PNPLA8: variants seen among roughly 807,000 people sequenced by gnomAD.
PNPLA8 encodes patatin like domain 8, phospholipase A2, also known as calcium-independent phospholipase A2-gamma.
Under a neutral mutation model 76.9 loss-of-function variants are expected in PNPLA8, and 39 were observed. The observed-to-expected ratio is 0.51, with a 90% CI of 0.39 to 0.66. The LOEUF is 0.66. PNPLA8 is among the 30% of genes least tolerant of loss of function. The pLI is 0.00. For missense variants in PNPLA8, 887 were observed against 918.0 expected, an observed-to-expected ratio of 0.97 and a Z score of 0.44; for synonymous variants, 301 against 307.9, an observed-to-expected ratio of 0.98 and a Z score of 0.24.
At position 108,481,427 on chromosome 7, in the gene PNPLA8, CATT is replaced by C. The variant is rs531755885; in HGVS notation, c.1879-2051_1879-2049del. ...TAACAGATATGTGGTGGCATTTCATCATTGTTTTAATTTGTGATTCTCCAATGC... is the reference window on the plus strand; with the variant it reads ...TAACAGATATGTGGTGGCATTTCATCGTTTTAATTTGTGATTCTCCAATGC... On this transcript the variant is annotated intron_variant, in intron 9 of 10. Coordinates refer to ENST00000257694, the MANE Select transcript of PNPLA8 (RefSeq NM_001256007.3). Among the ~76,000 whole-genome samples the C allele has an allele frequency of 1.7e-4, 26 of 152,256 alleles. No individual in the cohort carries two copies. In the South Asian group the frequency reaches 3.9e-3, roughly 23 times the overall value.
At chr7:108,490,125 T>C (rs1007891172) in intron 8 of PNPLA8, among the ~76,000 whole-genome samples, 3 of 152,218 alleles carry the variant, frequency 2.0e-5, no homozygotes, top group Non-Finnish European at 4.4e-5. Context: ...TATCTGTAGA[T>C]ACGTAAGTAT....
At chr7:108,473,862 G>A (rs1437625271) in intron 10 of PNPLA8, among the ~76,000 whole-genome samples, 1 of 151,994 alleles carries the variant, frequency 6.6e-6, no homozygotes, top group East Asian at 1.9e-4. Flanking sequence ...GTGCCACCAT[G>A]CCCAGATAGT....
At chr7:108,495,093 A>G (rs1303366948) in intron 7 of PNPLA8, among the ~76,000 whole-genome samples, 1 of 152,210 alleles carries the variant, frequency 6.6e-6, no homozygotes, top group African/African-American at 2.4e-5. Flanking sequence ...ATAGAAATAC[A>G]AATTGATGTT....
chr7:108,525,814 G>A (rs1382215214), intron 1 of PNPLA8, among the ~76,000 whole-genome samples: 2 of 152,220 alleles, frequency 1.3e-5, no homozygotes, highest in Non-Finnish European at 1.5e-5. Flanking sequence ...GGGCAGCAAA[G>A]CCCACGGGGG....
chr7:108,514,672 C>A lies in PNPLA8; in HGVS notation c.820G>T (p.Ala274Ser), dbSNP rs1863178458. The change falls in exon 3 of 11, where the codon GCG (alanine) becomes TCG (serine). Residue 274 changes from alanine (A) to serine (S), a missense_variant. Coordinates refer to ENST00000257694, the MANE Select transcript of PNPLA8 (RefSeq NM_001256007.3). ...HTVDKPTSPS[A>S]IPDVLQVSTK... ...GAAACTTGAAGAACATCAGGTATCG[C>A]AGAAGGACTTGTAGGCTTGTCCACC... 3 of 1,613,854 alleles carry A rather than the reference C, an allele frequency of 1.9e-6. No homozygotes were observed. The highest frequency in any genetic ancestry group is 1.7e-5 in the Admixed American group (1 of 60,004).
rs1863176300 is a variant in PNPLA8, at chr7:108,514,657, GAAC to G, written c.832_834del (p.Val278del). 1 of 1,613,802 alleles carries G rather than the reference GAAC, an allele frequency of 6.2e-7. No individual in the cohort carries two copies. Among genetic ancestry groups the G allele is most frequent in the South Asian group, 1.1e-5 (1 of 91,090 alleles). On this transcript the variant is annotated inframe_deletion, in exon 3 of 11. Transcript: ENST00000257694. ...ATACTTTGTTTAGTTGAAACTTGAA[GAAC>G]ATCAGGTATCGCAGAAGGACTTGTA...
chr7:108,515,893 C>T (rs1041436331), intron 2 of PNPLA8, among the ~76,000 whole-genome samples: 3 of 151,960 alleles, frequency 2.0e-5, no homozygotes, highest in Non-Finnish European at 4.4e-5. Flanking sequence ...GCTTTTTTTT[C>T]CCTTCCTCAT....
At chr7:108,492,748 C>T (rs907038853) in intron 7 of PNPLA8, among the ~76,000 whole-genome samples, 27 of 152,132 alleles carry the variant, frequency 1.8e-4, no homozygotes, top group African/African-American at 5.1e-4. Context: ...AAAAATGCTA[C>T]GACAAAAAAG....
chr7:108,500,359 A>G (rs948289139), intron 5 of PNPLA8, among the ~76,000 whole-genome samples: 1 of 152,208 alleles, frequency 6.6e-6, no homozygotes, highest in Non-Finnish European at 1.5e-5. Context: ...CATGAATGAC[A>G]TACACTTTCT....
At chr7:108,498,021 AAAG>A (rs977974094) in intron 5 of PNPLA8, among the ~76,000 whole-genome samples, 21 of 151,344 alleles carry the variant, frequency 1.4e-4, no homozygotes, top group East Asian at 9.7e-4. Flanking sequence ...AAAAAAGTAA[AAAG>A]AAGAAGAAAT....
At chr7:108,490,661 A>T (rs13224835) in intron 8 of PNPLA8, among the ~76,000 whole-genome samples, 2 of 151,578 alleles carry the variant, frequency 1.3e-5, no homozygotes, top group African/African-American at 4.8e-5. Context: ...GCGGCTGCCT[A>T]TAGTCCCAGC....
chr7:108,502,736 A>G, intron 4 of PNPLA8, 94 bp from the exon 5 acceptor site: 1 of 784,922 alleles, frequency 1.3e-6, no homozygotes, highest in Non-Finnish European at 2.0e-6. Context: ...TCACCACATG[A>G]CAACCAAGGT....
chr7:108,507,065 G>C (rs1304611574), intron 4 of PNPLA8, among the ~76,000 whole-genome samples: 1 of 152,086 alleles, frequency 6.6e-6, no homozygotes, highest in Non-Finnish European at 1.5e-5. Context: ...CGGTGAGGCT[G>C]GGAGCGGTGG....
Position 108,472,150 on chromosome 7 carries a change from T to A in PNPLA8, c.*251A>T. 1 of 307,226 alleles carries A rather than the reference T, an allele frequency of 3.3e-6. No homozygotes were observed. The highest frequency in any genetic ancestry group is 6.0e-6 in the Non-Finnish European group (1 of 166,396). The allele number at this position is 307,226 out of a possible 1,614,324, so 19.0% of individuals were successfully genotyped here. On this transcript the variant is annotated 3_prime_UTR_variant, in exon 11 of 11. Coordinates refer to ENST00000257694, the MANE Select transcript of PNPLA8 (RefSeq NM_001256007.3). ...AATATAACACCAATATCTACTAAAA[T>A]CTACTAGCACAGTAAGGGTTACTAA... is the stretch of plus-strand genomic sequence containing the variant.
At chr7:108,505,616 C>T (rs1862364536) in intron 4 of PNPLA8, among the ~76,000 whole-genome samples, 1 of 151,562 alleles carries the variant, frequency 6.6e-6, no homozygotes, top group African/African-American at 2.4e-5. Flanking sequence ...CCACCTCAGC[C>T]TCCCGAAGTG....
chr7:108,513,920 T>C (rs1225807569), intron 4 of PNPLA8, among the ~76,000 whole-genome samples: 1 of 152,208 alleles, frequency 6.6e-6, no homozygotes, highest in Non-Finnish European at 1.5e-5. Context: ...ATTTTATAAA[T>C]GTTTAATTTC....
chr7:108,491,579 G>C lies in PNPLA8; in HGVS notation c.1626-112C>G, dbSNP rs1861172001. 4 of 718,218 alleles carry C rather than the reference G, an allele frequency of 5.6e-6. No homozygotes were observed. The East Asian group carries it at 1.0e-4, about 18-fold the overall frequency. 44.5% of individuals were successfully genotyped at this position (718,218 alleles called of 1,614,324 possible). On this transcript the variant is annotated intron_variant, in intron 7 of 10. Coordinates refer to ENST00000257694, the MANE Select transcript of PNPLA8 (RefSeq NM_001256007.3). ...GTCCATGGCTTTGTCAAAGTGCTAT[G>C]AAGGAAAACATGTAAGACTCTCCTC...
chr7:108,511,067 GGT>G, intron 4 of PNPLA8: 1 of 690,662 alleles, frequency 1.4e-6, no homozygotes, highest in Non-Finnish European at 2.3e-6. Flanking sequence ...AAAGAAAACT[GGT>G]AACTAAATAC....
chr7:108,499,164 T>C (rs893235535), intron 5 of PNPLA8, among the ~76,000 whole-genome samples: 1 of 152,084 alleles, frequency 6.6e-6, no homozygotes, highest in Non-Finnish European at 1.5e-5. Flanking sequence ...GGAAATAAAA[T>C]AGGCACGTAT....
Sources: allele counts gnomAD v4.1 joint callset (sites outside exome capture counted in the v4.1 genomes callset), GRCh38; gene constraint gnomAD v4.1.1; transcripts MANE v1.5; gene names NCBI Gene and HGNC (gene_info 2026-07-23, HGNC 2026-07-21).